NDFIP2: variants seen among roughly 807,000 people sequenced by gnomAD.
The protein encoded by NDFIP2 is Nedd4 family interacting protein 2, also known as NEDD4 family-interacting protein 2.
NDFIP2 carries 19 observed loss-of-function variants against 36.0 expected under a neutral mutation model. That is an observed-to-expected ratio of 0.53 (90% CI 0.37 to 0.77). NDFIP2 has a LOEUF of 0.77. Among genes scored for constraint, NDFIP2 ranks in the 30% least tolerant of loss-of-function variants. The probability of loss-of-function intolerance (pLI) is 0.00; values close to 1 mark genes in which losing one functional copy is unlikely to be tolerated. For synonymous variants in NDFIP2, 181 were observed against 167.7 expected (o/e 1.08, Z -0.61); for missense variants, 446 against 435.8 (o/e 1.02, Z -0.21).
intron 4 of NDFIP2, among the ~76,000 whole-genome samples, chr13:79,540,708 C>T (rs1875421046): frequency 6.6e-6 from 1 of 152,032 alleles, no homozygotes; most frequent in Non-Finnish European, 1.5e-5. Context: ...TCTGAAAGTC[C>T]ATGTAAACCC....
At chr13:79,482,169 C>CTTTTTTTTTTT (rs10558361) in intron 1 of NDFIP2, among the ~76,000 whole-genome samples, 22 of 75,884 alleles carry the variant, frequency 2.9e-4, no homozygotes, top group African/African-American at 6.4e-4. Context: ...TTCTTTCTTT[C>CTTTTTTTTTTT]TTTTTTTTTT....
intron 4 of NDFIP2, 51 bp from the exon 5 acceptor site, chr13:79,543,507 A>G (rs1489621966): frequency 1.1e-5 from 18 of 1,604,378 alleles, no homozygotes; most frequent in Admixed American, 1.7e-5. Flanking sequence ...TGTCTATGTT[A>G]ATTTGTTTCC....
chr13:79,518,541 T>TG (rs756682432), intron 1 of NDFIP2, among the ~76,000 whole-genome samples: 6 of 152,232 alleles, frequency 3.9e-5, no homozygotes, highest in Non-Finnish European at 7.3e-5. Flanking sequence ...GAGTGACTAC[T>TG]GATTGGATTG....
chr13:79,545,246 G>C (rs1161195962), intron 5 of NDFIP2, among the ~76,000 whole-genome samples: 1 of 152,104 alleles, frequency 6.6e-6, no homozygotes, highest in Non-Finnish European at 1.5e-5. Flanking sequence ...TATCATTCTA[G>C]ATGTGTAAGA....
chr13:79,504,469 T>C (rs1183450233), intron 1 of NDFIP2, among the ~76,000 whole-genome samples: 1 of 152,188 alleles, frequency 6.6e-6, no homozygotes, highest in East Asian at 1.9e-4. Context: ...AGAGTGCAGT[T>C]ATCAAAATCT....
chr13:79,543,419 T>A, intron 4 of NDFIP2, 139 bp from the exon 5 acceptor site: 1 of 1,060,926 alleles, frequency 9.4e-7, no homozygotes, highest in South Asian at 1.6e-5. Flanking sequence ...TAGGCTATAG[T>A]CTATAAAGAA....
intron 3 of NDFIP2, among the ~76,000 whole-genome samples, chr13:79,536,219 A>C (rs1594856997): frequency 6.6e-6 from 1 of 152,238 alleles, no homozygotes; most frequent in Admixed American, 6.5e-5. Flanking sequence ...CTTGTTCTTC[A>C]GGTAGACTCA....
intron 1 of NDFIP2, among the ~76,000 whole-genome samples, chr13:79,519,823 T>C (rs1402395820): frequency 6.6e-6 from 1 of 152,252 alleles, no homozygotes; most frequent in Non-Finnish European, 1.5e-5. Context: ...GGAGTCTCGC[T>C]CTGTCACTTT....
intron 1 of NDFIP2, among the ~76,000 whole-genome samples, chr13:79,486,334 G>A (rs566862297): frequency 6.6e-6 from 1 of 152,220 alleles, no homozygotes; most frequent in Admixed American, 6.5e-5. Flanking sequence ...AAAGTTGAAA[G>A]AATTGTACAG....
intron 1 of NDFIP2, among the ~76,000 whole-genome samples, chr13:79,509,165 CAT>C (rs1873980228): frequency 6.6e-6 from 1 of 152,112 alleles, no homozygotes; most frequent in Non-Finnish European, 1.5e-5. Context: ...GTCCTGACAA[CAT>C]GTGCTCAGGG....
intron 1 of NDFIP2, among the ~76,000 whole-genome samples, chr13:79,504,863 C>T (rs997820492): frequency 1.3e-5 from 2 of 152,110 alleles, no homozygotes; most frequent in African/African-American, 2.4e-5. Context: ...TGCTCCCCAT[C>T]TATTCATTTA....
intron 1 of NDFIP2, among the ~76,000 whole-genome samples, chr13:79,482,273 AG>A (rs1263770174): frequency 6.7e-6 from 1 of 149,116 alleles, no homozygotes; most frequent in African/African-American, 2.5e-5. Context: ...GTTAAATACA[AG>A]GTTTTCCAGC....
intron 2 of NDFIP2, among the ~76,000 whole-genome samples, chr13:79,523,512 G>A (rs1279527392): frequency 6.6e-6 from 1 of 152,060 alleles, no homozygotes; most frequent in Non-Finnish European, 1.5e-5. Flanking sequence ...GAGCCACTGC[G>A]CCCAGCCCAT....
At chr13:79,549,210 T>C (rs1228362678) in intron 6 of NDFIP2, among the ~76,000 whole-genome samples, 4 of 151,978 alleles carry the variant, frequency 2.6e-5, no homozygotes, top group African/African-American at 9.7e-5. Flanking sequence ...TCAGATAAGG[T>C]CACTTAATTC....
chr13:79,508,212 G>T (rs960957636), intron 1 of NDFIP2, among the ~76,000 whole-genome samples: 1 of 152,106 alleles, frequency 6.6e-6, no homozygotes, highest in Non-Finnish European at 1.5e-5. Context: ...GAACATTCTT[G>T]TACATGCCTC....
intron 2 of NDFIP2, among the ~76,000 whole-genome samples, chr13:79,526,262 T>C (rs1047653288): frequency 2.0e-5 from 3 of 152,184 alleles, no homozygotes; most frequent in Non-Finnish European, 2.9e-5. Flanking sequence ...AAAATGTTAT[T>C]TTTTGGCCAT....
At position 79,539,914 on chromosome 13, in the gene NDFIP2, C is replaced by T. The variant is rs769675484; in HGVS notation, c.715+139C>T. ...AATGTAAATTGTTCCTGATATTGGA[C>T]TAATGAATACTGTGATCATATGTTT... On this transcript the variant is annotated intron_variant, in intron 4 of 7. Transcript: ENST00000218652. 2.7e-4 allele frequency: 173 copies of T among 641,766 alleles called. 1 individual carries two copies. The highest frequency in any genetic ancestry group is 1.4e-3 in the Middle Eastern group (4 of 2,850). 39.8% of individuals were successfully genotyped at this position (641,766 alleles called of 1,614,324 possible). A position where few individuals can be genotyped will look rare whatever the true frequency, so the allele number is the denominator to read the frequency against.
chr13:79,483,556 T>C (rs1026310515), intron 1 of NDFIP2, among the ~76,000 whole-genome samples: 1 of 152,156 alleles, frequency 6.6e-6, no homozygotes, highest in Non-Finnish European at 1.5e-5. Flanking sequence ...ACTTGAGTTG[T>C]TGAATGTTAA....
chr13:79,486,863 A>C (rs1410060193), intron 1 of NDFIP2, among the ~76,000 whole-genome samples: 3 of 152,202 alleles, frequency 2.0e-5, no homozygotes, highest in Non-Finnish European at 4.4e-5. Flanking sequence ...AACGTGCTGT[A>C]CAGGTTTGTA....
Sources: allele counts gnomAD v4.1 joint callset (sites outside exome capture counted in the v4.1 genomes callset), GRCh38; gene constraint gnomAD v4.1.1; transcripts MANE v1.5; gene names NCBI Gene and HGNC (gene_info 2026-07-23, HGNC 2026-07-21).